FYN: variants seen among roughly 807,000 people sequenced by gnomAD.
FYN encodes the protein FYN proto-oncogene, Src family tyrosine kinase, also known as tyrosine-protein kinase Fyn.
A neutral mutation model predicts 70.2 loss-of-function variants in FYN; 10 were observed. That is an observed-to-expected ratio of 0.14 (90% confidence interval 0.09 to 0.24). The LOEUF is 0.24. Ranked by LOEUF, FYN falls within the 10% of genes least tolerant of loss-of-function variation. The pLI is 1.00. For missense variants in FYN, 319 were observed against 673.1 expected, an observed-to-expected ratio of 0.47 and a Z score of 5.82; for synonymous variants, 236 against 248.6, an observed-to-expected ratio of 0.95 and a Z score of 0.48.
At chr6:111,721,293 C>T (rs1800926898) in intron 3 of FYN, among the ~76,000 whole-genome samples, 1 of 152,178 alleles carries the variant, frequency 6.6e-6, no homozygotes, top group African/African-American at 2.4e-5. Flanking sequence ...CAATGGACTG[C>T]AAGTTCCAGG....
chr6:111,740,288 A>G (rs1295590764), intron 3 of FYN, among the ~76,000 whole-genome samples: 1 of 152,230 alleles, frequency 6.6e-6, no homozygotes, highest in East Asian at 1.9e-4. Flanking sequence ...GAAAGATTTA[A>G]CAACACTCAT....
intron 6 of FYN, among the ~76,000 whole-genome samples, chr6:111,705,482 G>A (rs992791199): frequency 6.6e-6 from 1 of 151,604 alleles, no homozygotes; most frequent in African/African-American, 2.4e-5. Context: ...ACCTCTCCAG[G>A]CTCAAGCAAT....
At chr6:111,663,737 G>A (rs1797873454) in intron 13 of FYN, among the ~76,000 whole-genome samples, 1 of 152,198 alleles carries the variant, frequency 6.6e-6, no homozygotes, top group African/African-American at 2.4e-5. Flanking sequence ...TGCCATGCAT[G>A]CCTTTACCAG....
At chr6:111,740,167 A>G (rs889895293) in intron 3 of FYN, among the ~76,000 whole-genome samples, 2 of 152,198 alleles carry the variant, frequency 1.3e-5, no homozygotes, top group African/African-American at 4.8e-5. Context: ...GCTCAGTTAA[A>G]TAAATACAGA....
rs3730350 is a variant in FYN at position 111,700,355 on chromosome 6, G to A, written c.698-87C>T. The A allele has an allele frequency of 0.011, 14,865 of 1,356,192 alleles. 512 individuals carry two copies. The African/African-American group carries it at 0.12, about 11-fold the overall frequency. The allele number at this position is 1,356,192 out of a possible 1,614,324, so 84.0% of individuals were successfully genotyped here. ...CTCATAAGTGTAAACCCACACTAGC[G>A]GCGCACAGTGCTCCTCAAACAGTGC... On this transcript the variant is annotated intron_variant, in intron 8 of 13. Coordinates refer to ENST00000354650, the MANE Select transcript of FYN (RefSeq NM_002037.5).
intron 2 of FYN, among the ~76,000 whole-genome samples, chr6:111,801,515 T>G (rs1023056771): frequency 1.3e-5 from 2 of 152,210 alleles, no homozygotes; most frequent in African/African-American, 4.8e-5. Context: ...GGGAAATGAT[T>G]GGTTGGATAA....
intron 2 of FYN, among the ~76,000 whole-genome samples, chr6:111,840,682 A>T (rs980843263): frequency 6.6e-6 from 1 of 152,230 alleles, no homozygotes; most frequent in African/African-American, 2.4e-5. Context: ...AAAAGCTTAA[A>T]TTTTTATGTA....
chr6:111,755,854 T>C (rs1201262883), intron 3 of FYN, among the ~76,000 whole-genome samples: 1 of 152,142 alleles, frequency 6.6e-6, no homozygotes, highest in Non-Finnish European at 1.5e-5. Context: ...CATATTAGAA[T>C]ATATCAGATT....
At chr6:111,717,075 C>T (rs1306834237) in intron 4 of FYN, among the ~76,000 whole-genome samples, 3 of 152,098 alleles carry the variant, frequency 2.0e-5, no homozygotes, top group Non-Finnish European at 2.9e-5. Context: ...TAAGCCACTG[C>T]GCCTGGCCGA....
chr6:111,692,108 C>G (rs111802155), intron 12 of FYN, among the ~76,000 whole-genome samples: 2,418 of 149,618 alleles, frequency 0.016, 34 homozygotes, highest in Admixed American at 0.027. Context: ...ATTTCCCCCC[C>G]CCCCAGTTCA....
At chr6:111,870,963 C>T (rs62413756) in intron 1 of FYN, among the ~76,000 whole-genome samples, 5,439 of 152,116 alleles carry the variant, frequency 0.036, 109 homozygotes, top group Non-Finnish European at 0.047. Context: ...CTTTTTTTAT[C>T]GTAAAAAGTT....
chr6:111,698,176 AGTGC>A (rs1799657993), intron 9 of FYN, among the ~76,000 whole-genome samples: 2 of 151,540 alleles, frequency 1.3e-5, no homozygotes, highest in African/African-American at 4.9e-5. Context: ...CCCAGGCTGG[AGTGC>A]AATGGTGCAA....
At chr6:111,678,056 AG>A in intron 12 of FYN, among the ~76,000 whole-genome samples, 2 of 151,412 alleles carry the variant, frequency 1.3e-5, no homozygotes, top group Admixed American at 1.3e-4. Flanking sequence ...TTACTGAATT[AG>A]CTTAACAGTT....
intron 3 of FYN, among the ~76,000 whole-genome samples, chr6:111,743,114 G>A (rs151261856): frequency 0.011 from 1,701 of 151,976 alleles, 23 homozygotes; most frequent in African/African-American, 0.037. Flanking sequence ...CTGCAGGTGC[G>A]CGCCACCATG....
chr6:111,861,058 A>C (rs1234418283), intron 1 of FYN, among the ~76,000 whole-genome samples: 2 of 152,240 alleles, frequency 1.3e-5, no homozygotes, highest in African/African-American at 4.8e-5. Context: ...GACTCCAAGG[A>C]TCCATCAGTG....
chr6:111,781,410 G>C (rs909410321), intron 2 of FYN, among the ~76,000 whole-genome samples: 2 of 152,152 alleles, frequency 1.3e-5, no homozygotes, highest in Non-Finnish European at 2.9e-5. Context: ...TTGGCCTCCA[G>C]TTTCTTCCCT....
rs375792069 is a variant in FYN, at chr6:111,872,459, G to A, written c.-123+509C>T. ...GGAGGATGGGGGAAGTGCAAGGGAG[G>A]TGCCAGAAATAGGCAGGAGGATGGG... On this transcript the variant is annotated intron_variant, in intron 1 of 13. Coordinates refer to ENST00000354650, the MANE Select transcript of FYN (RefSeq NM_002037.5). Among the ~76,000 whole-genome samples the A allele has an allele frequency of 2.1e-4, 31 of 150,986 alleles. No homozygotes were observed. The South Asian group carries it at 6.5e-3, about 32-fold the overall frequency.
intron 3 of FYN, among the ~76,000 whole-genome samples, chr6:111,746,140 TG>T (rs1184729133): frequency 6.6e-6 from 1 of 152,226 alleles, no homozygotes; most frequent in Non-Finnish European, 1.5e-5. Context: ...TAGCAAGGCG[TG>T]TGGATTTTTT....
chr6:111,718,666 A>G (rs1265416262), intron 4 of FYN, among the ~76,000 whole-genome samples: 2 of 152,176 alleles, frequency 1.3e-5, no homozygotes, highest in East Asian at 1.9e-4. Flanking sequence ...AGATGGCCTT[A>G]GACTGCCTGT....
Sources: allele counts gnomAD v4.1 joint callset (sites outside exome capture counted in the v4.1 genomes callset), GRCh38; gene constraint gnomAD v4.1.1; transcripts MANE v1.5; gene names NCBI Gene and HGNC (gene_info 2026-07-23, HGNC 2026-07-21).